Variants in ANKRD44 observed in about 807,000 individuals in gnomAD.
The protein encoded by ANKRD44 is ankyrin repeat domain 44.
Under a neutral mutation model 116.0 loss-of-function variants are expected in ANKRD44, and 35 were observed. That is an observed-to-expected ratio of 0.30 (90% CI 0.23 to 0.40). ANKRD44 has a LOEUF of 0.40. Ranked by LOEUF, ANKRD44 falls within the 10% of genes least tolerant of loss-of-function variation. The probability of loss-of-function intolerance (pLI) is 1.00; values close to 1 mark genes in which losing one functional copy is unlikely to be tolerated. For missense variants in ANKRD44, 1,014 were observed against 1,242.6 expected (o/e 0.82, Z 2.77); for synonymous variants, 435 against 461.8 (o/e 0.94, Z 0.74).
Position 197,181,508 on chromosome 2 carries a change from C to T in ANKRD44, c.111+5515G>A, listed in dbSNP as rs538320356. 3.9e-5 allele frequency among the ~76,000 whole-genome samples: 6 copies of T among 152,316 alleles called. No homozygotes were observed. In the South Asian group the frequency reaches 6.2e-4, roughly 16 times the overall value. On this transcript the variant is annotated intron_variant, in intron 2 of 27. Coordinates refer to ENST00000282272, the MANE Select transcript of ANKRD44 (RefSeq NM_001195144.2). ...TTGTAAGAGACTTTAAACATTACCT[C>T]GTCCAGGCATGGAGAGGAAGTTTCA...
chr2:196,998,782 T>C, intron 24 of ANKRD44, 125 bp downstream of exon 24: 1 of 1,349,908 alleles, frequency 7.4e-7, no homozygotes, highest in South Asian at 1.5e-5. Context: ...ATCAGGTGAC[T>C]TAAGTAAAAC....
chr2:197,180,939 G>A (rs2080487416), intron 2 of ANKRD44, among the ~76,000 whole-genome samples: 2 of 131,648 alleles, frequency 1.5e-5, no homozygotes, highest in Non-Finnish European at 3.2e-5. Context: ...TCTTTGAAAA[G>A]TCCCCTCATC....
At chr2:197,172,772 C>T (rs573960702) in intron 2 of ANKRD44, among the ~76,000 whole-genome samples, 1 of 152,094 alleles carries the variant, frequency 6.6e-6, no homozygotes, top group East Asian at 1.9e-4. Context: ...CACCATGTTG[C>T]TTAGGCTGGT....
In ANKRD44 at chr2:197,115,823, C is replaced by A. The variant is rs899462497; in HGVS notation, c.907-4979G>T. On this transcript the variant is annotated intron_variant, in intron 8 of 27. Transcript: ENST00000282272. ...GGCTCTATGGAAATGTTAGATGATC[C>A]GTGCATCCAGAGTGAATCTGGAATA... Among the ~76,000 whole-genome samples, 3 of 152,102 alleles carry A rather than the reference C, an allele frequency of 2.0e-5. No individual in the cohort carries two copies. The East Asian group carries it at 5.8e-4, about 29-fold the overall frequency.
At chr2:197,045,752 A>C (rs1403009162) in intron 16 of ANKRD44, among the ~76,000 whole-genome samples, 2 of 152,184 alleles carry the variant, frequency 1.3e-5, no homozygotes, top group African/African-American at 4.8e-5. Context: ...ATAACTTCTA[A>C]ATAACATGTA....
At chr2:197,068,194 C>T (rs1233716339) in intron 16 of ANKRD44, among the ~76,000 whole-genome samples, 1 of 104,086 alleles carries the variant, frequency 9.6e-6, no homozygotes, top group Non-Finnish European at 1.9e-5. Flanking sequence ...GGGAATATCA[C>T]ACTCTGGGGA....
At chr2:197,042,116 C>T (rs1413823616) in intron 16 of ANKRD44, among the ~76,000 whole-genome samples, 1 of 151,954 alleles carries the variant, frequency 6.6e-6, no homozygotes, top group Non-Finnish European at 1.5e-5. Flanking sequence ...AACTATGATA[C>T]CCCCAAGCCT....
intron 16 of ANKRD44, among the ~76,000 whole-genome samples, chr2:197,067,911 C>T (rs1438889743): frequency 9.9e-5 from 15 of 150,778 alleles, no homozygotes; most frequent in East Asian, 3.9e-4. Context: ...CACATGCACA[C>T]GTATGTTTAT....
intron 16 of ANKRD44, among the ~76,000 whole-genome samples, chr2:197,054,154 C>CCA (rs776375884): frequency 2.0e-5 from 3 of 152,164 alleles, no homozygotes; most frequent in East Asian, 1.9e-4. Flanking sequence ...AATGTCTAAA[C>CCA]TTATATGTAA....
intron 3 of ANKRD44, among the ~76,000 whole-genome samples, chr2:197,146,129 A>G (rs1445679913): frequency 6.6e-6 from 1 of 152,244 alleles, no homozygotes; most frequent in African/African-American, 2.4e-5. Flanking sequence ...AATATTTAAA[A>G]TACATTGAAA....
At position 197,088,711 on chromosome 2, in the gene ANKRD44, C is replaced by T. The variant is rs144238329; in HGVS notation, c.1247G>A (p.Gly416Asp). The change falls in exon 12 of 28, where the codon GGT (glycine) becomes GAT (aspartate). Residue 416 changes from glycine (G) to aspartate (D), a missense_variant and splice_region_variant. Physicochemically the swap from Gly to Asp is moderately conservative, Grantham distance 94. Transcript: ENST00000282272. ...TTAACTAGAATTGGTAACTACTCACCCTCCTGCAGCAGCAGCATGAAGGCA... is the reference window on the plus strand; with the variant it reads ...TTAACTAGAATTGGTAACTACTCACTCTCCTGCAGCAGCAGCATGAAGGCA... Reference protein sequence around the residue: ...RTCLHAAAAGGNVECIKLLQS... With the variant: ...RTCLHAAAAGDNVECIKLLQS... The T allele has an allele frequency of 6.2e-7, 1 of 1,606,474 alleles. No individual in the cohort carries two copies. The highest frequency in any genetic ancestry group is 8.5e-7 in the Non-Finnish European group (1 of 1,174,590).
chr2:197,137,930 A>G (rs1160723005), intron 3 of ANKRD44, among the ~76,000 whole-genome samples: 2 of 152,198 alleles, frequency 1.3e-5, no homozygotes, highest in Non-Finnish European at 2.9e-5. Flanking sequence ...GCAAAAATCA[A>G]TAGGCATCTC....
chr2:197,078,708 C>T lies in ANKRD44; in HGVS notation c.1645G>A (p.Glu549Lys), dbSNP rs1238172749. 1 of 1,608,134 alleles carries T rather than the reference C, an allele frequency of 6.2e-7. No homozygotes were observed. Among genetic ancestry groups the T allele is most frequent in the Admixed American group, 1.7e-5 (1 of 59,630 alleles). ...AAAYGHRQCL[E>K]LLLERTNSGF... Reference sequence around the variant, plus strand: ...AACAAAACAAAACAACTCACCAATTCCAGACACTGCCTGTGCCCATAGGCG... The same window carrying T: ...AACAAAACAAAACAACTCACCAATTTCAGACACTGCCTGTGCCCATAGGCG... Residue 549 changes from glutamate to lysine, a missense_variant, in exon 16 of 28, where the codon GAA becomes AAA. By Grantham distance (56) the Glu-to-Lys change is moderately conservative. Coordinates refer to ENST00000282272, the MANE Select transcript of ANKRD44 (RefSeq NM_001195144.2).
At chr2:197,284,126 C>T (rs911119420) in intron 1 of ANKRD44, among the ~76,000 whole-genome samples, 8 of 152,148 alleles carry the variant, frequency 5.3e-5, no homozygotes, top group African/African-American at 1.2e-4. Flanking sequence ...ATCTTCTCCA[C>T]GTTATGGATA....
At chr2:197,131,758 A>G (rs1248423428) in intron 4 of ANKRD44, among the ~76,000 whole-genome samples, 1 of 152,144 alleles carries the variant, frequency 6.6e-6, no homozygotes, top group Non-Finnish European at 1.5e-5. Context: ...AATACTGTAT[A>G]CTAAAACTAA....
intron 1 of ANKRD44, among the ~76,000 whole-genome samples, chr2:197,246,277 C>T (rs1031509637): frequency 6.8e-6 from 1 of 147,030 alleles, no homozygotes; most frequent in Non-Finnish European, 1.5e-5. Context: ...GCCTGGAATT[C>T]CTGGGCTCAA....
At chr2:197,238,655 A>T (rs1429996734) in intron 1 of ANKRD44, among the ~76,000 whole-genome samples, 1 of 152,070 alleles carries the variant, frequency 6.6e-6, no homozygotes, top group East Asian at 1.9e-4. Flanking sequence ...GTTACCCAGG[A>T]CTGGTATGGT....
At position 197,126,054 on chromosome 2, in the gene ANKRD44, G is replaced by C. The variant is rs755067258; in HGVS notation, c.262-17C>G. The C allele has an allele frequency of 6.2e-7, 1 of 1,613,718 alleles. No homozygotes were observed. On this transcript the variant is annotated splice_polypyrimidine_tract_variant and intron_variant, in intron 4 of 27. Coordinates refer to ENST00000282272, the MANE Select transcript of ANKRD44 (RefSeq NM_001195144.2). The stretch of plus-strand genomic sequence containing the variant: ...TACTGCTTCCTACAACAAAAGCAGA[G>C]TTTGCAGAGGTCACTGACAGACGTT...
intron 2 of ANKRD44, among the ~76,000 whole-genome samples, chr2:197,169,571 C>T (rs1020738835): frequency 6.6e-6 from 1 of 152,164 alleles, no homozygotes; most frequent in East Asian, 1.9e-4. Flanking sequence ...ACTCCACTCC[C>T]ACCTCCAGAA....
Sources: gnomAD v4.1 joint callset for allele counts (sites outside exome capture counted in the v4.1 genomes callset) on GRCh38, gnomAD v4.1.1 for gene constraint, MANE v1.5 for transcripts, NCBI Gene and HGNC (gene_info 2026-07-23, HGNC 2026-07-21) for gene names.